IDH2: variants seen among roughly 807,000 people sequenced by gnomAD.
IDH2 encodes isocitrate dehydrogenase [NADP], mitochondrial.
A neutral mutation model predicts 50.5 loss-of-function variants in IDH2; 18 were observed. That is an observed-to-expected ratio of 0.36 (90% CI 0.25 to 0.53). The LOEUF is 0.53. Among genes scored for constraint, IDH2 ranks in the 20% least tolerant of loss-of-function variants. The pLI, the probability that IDH2 is intolerant of heterozygous loss-of-function variation, is 0.92. For synonymous variants in IDH2, 280 were observed against 239.8 expected, an observed-to-expected ratio of 1.17 and a Z score of -1.55; for missense variants, 518 against 610.7, an observed-to-expected ratio of 0.85 and a Z score of 1.60.
At chr15:90,088,778 T>A (rs780443308) in intron 3 of IDH2, 31 bp from the exon 4 acceptor site, 1 of 1,612,928 alleles carries the variant, frequency 6.2e-7, no homozygotes, top group Non-Finnish European at 8.5e-7. Context: ...GTGGTCCCAC[T>A]GCAGCCGCCA....
intron 1 of IDH2, among the ~76,000 whole-genome samples, chr15:90,091,957 C>T (rs1901050786): frequency 6.6e-6 from 1 of 152,166 alleles, no homozygotes; most frequent in Non-Finnish European, 1.5e-5. Flanking sequence ...TGAGTGAGCA[C>T]TACTACCACC....
In IDH2 at chr15:90,084,221, G is replaced by A. The variant is rs750311980; in HGVS notation, c.*45C>T. On this transcript the variant is annotated 3_prime_UTR_variant, in exon 11 of 11. Transcript: ENST00000330062. The surrounding 1 kb of genome is among the most constrained non-coding windows in gnomAD (Gnocchi z 5.0). ...CTGCCGCGCTCAGGAGGACCCGCCGGCTCAGCCCTGGCCCCTCCACTGCAG... is the reference window on the plus strand; with the variant it reads ...CTGCCGCGCTCAGGAGGACCCGCCGACTCAGCCCTGGCCCCTCCACTGCAG... The A allele has an allele frequency of 7.1e-6, 11 of 1,552,330 alleles. 1 individual carries two copies. Among genetic ancestry groups the A allele is most frequent in the South Asian group, 5.6e-5 (5 of 88,970 alleles).
chr15:90,090,799 T>C (rs904379595), intron 2 of IDH2, among the ~76,000 whole-genome samples, 155 bp from the exon 3 acceptor site: 3 of 151,754 alleles, frequency 2.0e-5, no homozygotes, highest in African/African-American at 7.3e-5. Flanking sequence ...AAAGCTGGAG[T>C]CAGCCATTTC....
chr15:90,102,167 C>T (rs1901351062), intron 1 of IDH2, 109 bp downstream of exon 1: 1 of 399,732 alleles, frequency 2.5e-6, no homozygotes, highest in Non-Finnish European at 4.1e-6. Context: ...CTGACCCCGC[C>T]GTCCCCGGGC....
intron 3 of IDH2, among the ~76,000 whole-genome samples, chr15:90,090,027 G>A (rs763712481): frequency 2.4e-4 from 37 of 152,194 alleles, no homozygotes; most frequent in Non-Finnish European, 2.9e-4. Context: ...GACTGTCCAC[G>A]CCAGAATGGA....
intron 2 of IDH2, among the ~76,000 whole-genome samples, chr15:90,091,161 T>A (rs910018408): frequency 7.9e-5 from 12 of 152,318 alleles, no homozygotes; most frequent in African/African-American, 2.6e-4. Context: ...CCCTTTGCCA[T>A]GGTGGCTCGT....
chr15:90,100,428 G>T lies in IDH2; in HGVS notation c.115+1848C>A. ...AATCAGCTCTGGCAGGGCAGCTAGG[G>T]CCTTATCTGACGTGGCAGAAAGATC... is the stretch of plus-strand genomic sequence containing the variant. On this transcript the variant is annotated intron_variant, in intron 1 of 10. Coordinates refer to ENST00000330062, the MANE Select transcript of IDH2 (RefSeq NM_002168.4). This position sits in a 1 kb window ranked among gnomAD's most constrained non-coding sequence, Gnocchi z 4.1. 1 of 162,994 alleles carries T rather than the reference G, an allele frequency of 6.1e-6. No homozygotes were observed. Among genetic ancestry groups the T allele is most frequent in the Non-Finnish European group, 1.3e-5 (1 of 77,766 alleles). The allele number at this position is 162,994 out of a possible 1,614,324, so 10.1% of individuals were successfully genotyped here.
rs1225002436 is a variant in IDH2, at chr15:90,083,650, G to A, written c.*616C>T. On this transcript the variant is annotated 3_prime_UTR_variant, in exon 11 of 11. Coordinates refer to ENST00000330062, the MANE Select transcript of IDH2 (RefSeq NM_002168.4). Reference sequence around the variant, plus strand: ...AAAAAGGCTAAGAAAGTGGCCTGGAGATGTTTAGAAGGTTAAAACCAACGA... The same window carrying A: ...AAAAAGGCTAAGAAAGTGGCCTGGAAATGTTTAGAAGGTTAAAACCAACGA... The A allele has an allele frequency of 6.3e-6, 1 of 159,882 alleles. No homozygotes were observed. Among genetic ancestry groups the A allele is most frequent in the Non-Finnish European group, 1.4e-5 (1 of 72,560 alleles). The allele number at this position is 159,882 out of a possible 1,614,324, so 9.9% of individuals were successfully genotyped here.
At chr15:90,093,575 G>A (rs1205276875) in intron 1 of IDH2, among the ~76,000 whole-genome samples, 1 of 151,870 alleles carries the variant, frequency 6.6e-6, no homozygotes. Flanking sequence ...CAACCCCAAG[G>A]AGGTATCATT....
chr15:90,083,979 T>C lies in IDH2; in HGVS notation c.*287A>G. On this transcript the variant is annotated 3_prime_UTR_variant, in exon 11 of 11. Transcript: ENST00000330062. ...CTCAGGGACAAACACAGCAGACAATTTTGTGAAGAGCTTTTTAGTAGCTAA... is the reference window on the plus strand; with the variant it reads ...CTCAGGGACAAACACAGCAGACAATCTTGTGAAGAGCTTTTTAGTAGCTAA... 2.0e-6 allele frequency: 1 copy of C among 497,602 alleles called. No homozygotes were observed. The highest frequency in any genetic ancestry group is 2.1e-5 in the South Asian group (1 of 47,022). 30.8% of individuals were successfully genotyped at this position (497,602 alleles called of 1,614,324 possible).
rs199610360 is a variant in IDH2 at position 90,088,522 on chromosome 15, G to A, written c.535-20C>T. On this transcript the variant is annotated intron_variant, in intron 4 of 10. Coordinates refer to ENST00000330062, the MANE Select transcript of IDH2 (RefSeq NM_002168.4). Reference sequence around the variant, plus strand: ...CTTGTACTGCAGAGACAAGAGGATGGCTAGGCGAGGAGCTCCAGTCGGGGG... The same window carrying A: ...CTTGTACTGCAGAGACAAGAGGATGACTAGGCGAGGAGCTCCAGTCGGGGG... 1 of 1,614,220 alleles carries A rather than the reference G, an allele frequency of 6.2e-7. No homozygotes were observed. The highest frequency in any genetic ancestry group is 8.5e-7 in the Non-Finnish European group (1 of 1,180,040).
At chr15:90,096,952 A>C (rs1901199199) in intron 1 of IDH2, among the ~76,000 whole-genome samples, 4 of 152,186 alleles carry the variant, frequency 2.6e-5, no homozygotes, top group Non-Finnish European at 5.9e-5. Context: ...AAGAATTACT[A>C]TATGATCCAG....
At chr15:90,095,333 A>G (rs1328632638) in intron 1 of IDH2, among the ~76,000 whole-genome samples, 2 of 152,158 alleles carry the variant, frequency 1.3e-5, no homozygotes, top group Non-Finnish European at 2.9e-5. Flanking sequence ...CCAATCTACA[A>G]TATTCCTTCA....
In IDH2 at chr15:90,100,385, C is replaced by G. The variant is rs531754927; in HGVS notation, c.115+1891G>C. Among the ~76,000 whole-genome samples, 1 of 152,286 alleles carries G rather than the reference C, an allele frequency of 6.6e-6. No homozygotes were observed. The highest frequency in any genetic ancestry group is 2.1e-4 in the South Asian group (1 of 4,828). On this transcript the variant is annotated intron_variant, in intron 1 of 10. Coordinates refer to ENST00000330062, the MANE Select transcript of IDH2 (RefSeq NM_002168.4). This position sits in a 1 kb window ranked among gnomAD's most constrained non-coding sequence, Gnocchi z 4.1. The stretch of plus-strand genomic sequence containing the variant: ...AGGCTTTTCCTCAGTACCTACTAGG[C>G]CTAAACACAACCACCCCAATCAGCT...
chr15:90,099,281 G>A (rs1359312472), intron 1 of IDH2, among the ~76,000 whole-genome samples: 1 of 152,144 alleles, frequency 6.6e-6, no homozygotes, highest in Non-Finnish European at 1.5e-5. Context: ...TGCTGAGCCA[G>A]CCTTCGCACC....
In IDH2 at chr15:90,095,856, G is replaced by C. The variant is rs1901169228; in HGVS notation, c.116-4212C>G. ...CTCCCTGGAAGCAAACATCCCAGGG[G>C]AACTGAGAACAGCAACATGAGCCAA... On this transcript the variant is annotated intron_variant, in intron 1 of 10. Coordinates refer to ENST00000330062, the MANE Select transcript of IDH2 (RefSeq NM_002168.4). Among the ~76,000 whole-genome samples, 3 of 152,232 alleles carry C rather than the reference G, an allele frequency of 2.0e-5. No individual in the cohort carries two copies. The South Asian group carries it at 6.2e-4, about 32-fold the overall frequency.
intron 1 of IDH2, among the ~76,000 whole-genome samples, chr15:90,096,671 G>A (rs1249309919): frequency 6.6e-6 from 1 of 152,118 alleles, no homozygotes; most frequent in Non-Finnish European, 1.5e-5. Context: ...TCCCAGCACT[G>A]TGGAAGGCTG....
chr15:90,089,461 C>T (rs1900973703), intron 3 of IDH2, among the ~76,000 whole-genome samples: 1 of 152,196 alleles, frequency 6.6e-6, no homozygotes, highest in African/African-American at 2.4e-5. Context: ...ACACTGCCCA[C>T]TCCACATGCT....
rs1164240016 is a variant in IDH2, at chr15:90,084,506, C to T, written c.1272-153G>A. On this transcript the variant is annotated intron_variant, in intron 10 of 10. Transcript: ENST00000330062. This position sits in a 1 kb window ranked among gnomAD's most constrained non-coding sequence, Gnocchi z 5.0. ...GCCAGAGGCCAGCTATAGCCCCCTA[C>T]CATGAGGCCACCGAGATTCGGCAGG... is the stretch of plus-strand genomic sequence containing the variant. Among the ~76,000 whole-genome samples the T allele has an allele frequency of 1.3e-5, 2 of 151,414 alleles. No homozygotes were observed. The highest frequency in any genetic ancestry group is 4.9e-5 in the African/African-American group (2 of 41,100).
Sources: allele counts gnomAD v4.1 joint callset (sites outside exome capture counted in the v4.1 genomes callset), GRCh38; gene constraint gnomAD v4.1.1; non-coding constraint Gnocchi (gnomAD v3.1); transcripts MANE v1.5; gene names NCBI Gene and HGNC (gene_info 2026-07-23, HGNC 2026-07-21).